The following CCDC178 variants were observed in gnomAD, a reference collection of about 807,000 sequenced individuals.
The protein encoded by CCDC178 is coiled-coil domain-containing protein 178.
CCDC178 carries 126 observed loss-of-function variants against 117.4 expected under a neutral mutation model. That is an observed-to-expected ratio of 1.07 (90% CI 0.93 to 1.24). The LOEUF is 1.24. Ranked by LOEUF, CCDC178 falls within the 50% of genes most tolerant of loss-of-function variation. The pLI is 0.00. For missense variants in CCDC178, 1,030 were observed against 986.9 expected, an observed-to-expected ratio of 1.04 and a Z score of -0.59; for synonymous variants, 283 against 313.4, an observed-to-expected ratio of 0.90 and a Z score of 1.02.
intron 11 of CCDC178, chr18:33,323,273 A>G (rs1024574887): frequency 3.6e-5 from 10 of 280,038 alleles, no homozygotes; most frequent in Non-Finnish European, 6.4e-5. Context: ...AAGATGACAC[A>G]GAAATATAGT....
rs997642088 is a variant in CCDC178, at chr18:33,009,819, A to C, written c.2389-35138T>G. Among the ~76,000 whole-genome samples the C allele has an allele frequency of 2.0e-5, 3 of 152,174 alleles. No individual in the cohort carries two copies. In the East Asian group the frequency reaches 5.8e-4, roughly 29 times the overall value. On this transcript the variant is annotated intron_variant, in intron 21 of 22. Transcript: ENST00000383096. ...TAAAGGATGGTGTCTCTGATCCATC[A>C]ATAGTAACATTTATGTTTTGAATGC...
intron 4 of CCDC178, among the ~76,000 whole-genome samples, chr18:33,392,588 C>G (rs796861984): frequency 6.6e-6 from 1 of 151,718 alleles, no homozygotes; most frequent in African/African-American, 2.4e-5. Flanking sequence ...GATACTGACA[C>G]GAAAGAATCA....
chr18:33,322,753 T>C (rs2145006539), intron 11 of CCDC178, among the ~76,000 whole-genome samples: 1 of 151,702 alleles, frequency 6.6e-6, no homozygotes, highest in Non-Finnish European at 1.5e-5. Context: ...TGTTGAAATA[T>C]ACATTGGATG....
chr18:33,254,001 A>G (rs2059647437), intron 14 of CCDC178, among the ~76,000 whole-genome samples: 1 of 151,916 alleles, frequency 6.6e-6, no homozygotes, highest in Non-Finnish European at 1.5e-5. Context: ...AATAGTATAT[A>G]AAGACTGCAT....
intron 11 of CCDC178, among the ~76,000 whole-genome samples, chr18:33,310,678 C>G (rs1022149057): frequency 6.6e-6 from 1 of 151,812 alleles, no homozygotes; most frequent in African/African-American, 2.4e-5. Context: ...AGAGTGAGAC[C>G]CCCTCTGAAA....
intron 11 of CCDC178, among the ~76,000 whole-genome samples, chr18:33,297,726 T>C (rs2062123538): frequency 6.6e-6 from 1 of 152,136 alleles, no homozygotes; most frequent in Admixed American, 6.6e-5. Flanking sequence ...GCTTTACCAC[T>C]GCATTCTATT....
chr18:33,260,685 A>G (rs1003780434), intron 14 of CCDC178, among the ~76,000 whole-genome samples: 4 of 151,646 alleles, frequency 2.6e-5, no homozygotes, highest in Admixed American at 6.6e-5. Context: ...ATATTTTTCT[A>G]TGTTTTCTTA....
intron 9 of CCDC178, among the ~76,000 whole-genome samples, chr18:33,335,991 C>T (rs2062734922): frequency 6.6e-6 from 1 of 152,128 alleles, no homozygotes; most frequent in Non-Finnish European, 1.5e-5. Context: ...GCCTTTGATC[C>T]TGTCAGTTGC....
chr18:33,153,204 C>G (rs1466347158), intron 20 of CCDC178, among the ~76,000 whole-genome samples: 1 of 148,514 alleles, frequency 6.7e-6, no homozygotes, highest in Non-Finnish European at 1.5e-5. Flanking sequence ...TAAGAAATGC[C>G]AAGAGTGTGC....
chr18:33,051,532 G>A (rs953964255), intron 21 of CCDC178, among the ~76,000 whole-genome samples: 5 of 152,166 alleles, frequency 3.3e-5, no homozygotes, highest in Non-Finnish European at 7.3e-5. Context: ...CTAGTGACAC[G>A]AAGATTCAGA....
rs140334584 is a variant in CCDC178 at position 33,254,877 on chromosome 18, T to A, written c.1410-9449A>T. Among the ~76,000 whole-genome samples, 4 of 152,132 alleles carry A rather than the reference T, an allele frequency of 2.6e-5. No homozygotes were observed. The East Asian group carries it at 5.8e-4, about 22-fold the overall frequency. On this transcript the variant is annotated intron_variant, in intron 14 of 22. Transcript: ENST00000383096. ...AAGGATTGCTAGGGTTTGGAGATAG[T>A]TTGTTTGTCACTGTTAAAACCCATG...
chr18:33,179,916 GT>G (rs1315467711), intron 20 of CCDC178, among the ~76,000 whole-genome samples: 4 of 151,760 alleles, frequency 2.6e-5, no homozygotes, highest in African/African-American at 9.7e-5. Context: ...TTTTTGGCTT[GT>G]TTTTTTCTGG....
In CCDC178 at chr18:33,207,985, TCTGCG is replaced by T. The variant is rs901694965; in HGVS notation, c.2238+3906_2238+3910del. On this transcript the variant is annotated intron_variant, in intron 20 of 22. Transcript: ENST00000383096. ...TACTTGTGATCATTGAAGCACCGGA[TCTGCG>T]CAAAAACATGAGGTAATCTCTGATA... Among the ~76,000 whole-genome samples the T allele has an allele frequency of 6.8e-4, 103 of 152,126 alleles. 1 individual carries two copies. The highest frequency in any genetic ancestry group is 2.2e-3 in the African/African-American group (91 of 41,528).
chr18:33,292,555 C>T (rs572006407), intron 12 of CCDC178, among the ~76,000 whole-genome samples: 13 of 151,896 alleles, frequency 8.6e-5, no homozygotes, highest in African/African-American at 2.9e-4. Flanking sequence ...GTATTTTCCA[C>T]GAGGATTTTC....
chr18:33,037,219 C>T (rs1334459486), intron 21 of CCDC178, among the ~76,000 whole-genome samples: 1 of 151,966 alleles, frequency 6.6e-6, no homozygotes, highest in East Asian at 1.9e-4. Flanking sequence ...AGCACCAAGG[C>T]ATTAATAGAC....
intron 21 of CCDC178, among the ~76,000 whole-genome samples, chr18:33,081,650 C>CA (rs1472788293): frequency 6.6e-6 from 1 of 152,138 alleles, no homozygotes; most frequent in Non-Finnish European, 1.5e-5. Context: ...GAGTACAGTG[C>CA]ATATATCTTT....
intron 20 of CCDC178, among the ~76,000 whole-genome samples, chr18:33,112,437 G>T (rs539631983): frequency 2.6e-5 from 4 of 151,758 alleles, no homozygotes. Context: ...CTCAATTTAA[G>T]CCTACTAGCC....
chr18:33,316,159 C>T (rs1215340263), intron 11 of CCDC178, among the ~76,000 whole-genome samples: 3 of 152,240 alleles, frequency 2.0e-5, no homozygotes, highest in Non-Finnish European at 4.4e-5. Context: ...CGCCGCTGCA[C>T]TGTGGGAGCC....
At chr18:33,394,005 T>A (rs1263411052) in intron 4 of CCDC178, among the ~76,000 whole-genome samples, 8 of 152,028 alleles carry the variant, frequency 5.3e-5, no homozygotes, top group African/African-American at 1.9e-4. Flanking sequence ...TAGAAAATTT[T>A]TTTTCACACA....
Sources: allele counts gnomAD v4.1 joint callset (sites outside exome capture counted in the v4.1 genomes callset), GRCh38; gene constraint gnomAD v4.1.1; transcripts MANE v1.5; gene names NCBI Gene and HGNC (gene_info 2026-07-23, HGNC 2026-07-21).